The following ZNF704 variants were observed in gnomAD, a reference collection of about 807,000 sequenced individuals.
The protein encoded by ZNF704 is glucocorticoid induced gene 1.
In ZNF704, 10 loss-of-function variants were observed where a neutral mutation model predicts 44.7. That is an observed-to-expected ratio of 0.22 (90% confidence interval 0.14 to 0.38). The LOEUF (loss-of-function observed/expected upper bound fraction) is 0.38, where lower values mean the gene tolerates loss of function less well. Among genes scored for constraint, ZNF704 ranks in the 10% least tolerant of loss-of-function variants. ZNF704 has a pLI of 1.00. For missense variants in ZNF704, 390 were observed against 545.5 expected (o/e 0.71, Z 2.84); for synonymous variants, 211 against 207.6 (o/e 1.02, Z -0.14).
intron 2 of ZNF704, chr8:80,749,514 C>A (rs1157128099): frequency 6.5e-6 from 1 of 153,192 alleles, no homozygotes; most frequent in Non-Finnish European, 1.5e-5. Flanking sequence ...GCGGAATCAT[C>A]TAATATAACA....
At chr8:80,740,292 C>T (rs1341354407) in intron 2 of ZNF704, among the ~76,000 whole-genome samples, 1 of 152,136 alleles carries the variant, frequency 6.6e-6, no homozygotes, top group African/African-American at 2.4e-5. Context: ...CATTTGTTGT[C>T]CCCTGCTTGA....
chr8:80,687,615 G>A lies in ZNF704; in HGVS notation c.326-157C>T, dbSNP rs1023868617. ...ATGTAAGTTTTTGTTCTATTTATAC[G>A]CCCCCTCCCAAAAGCCACATTGTAG... is the stretch of plus-strand genomic sequence containing the variant. On this transcript the variant is annotated intron_variant, in intron 3 of 8. Coordinates refer to ENST00000327835, the MANE Select transcript of ZNF704 (RefSeq NM_001033723.3). 3.3e-5 allele frequency among the ~76,000 whole-genome samples: 5 copies of A among 152,194 alleles called. No individual in the cohort carries two copies. In the East Asian group the frequency reaches 7.7e-4, roughly 24 times the overall value.
At chr8:80,838,151 G>A (rs558664116) in intron 1 of ZNF704, among the ~76,000 whole-genome samples, 23 of 152,280 alleles carry the variant, frequency 1.5e-4, no homozygotes, top group South Asian at 6.2e-4. Flanking sequence ...AGAGAGATTC[G>A]TGGGAACAGA....
At chr8:80,734,601 A>G (rs1217048111) in intron 2 of ZNF704, among the ~76,000 whole-genome samples, 2 of 152,232 alleles carry the variant, frequency 1.3e-5, no homozygotes, top group Non-Finnish European at 2.9e-5. Context: ...AAGTATATGT[A>G]TATTTGCAGA....
chr8:80,759,175 A>C (rs539878275), intron 2 of ZNF704, among the ~76,000 whole-genome samples: 6 of 152,264 alleles, frequency 3.9e-5, no homozygotes, highest in Non-Finnish European at 7.4e-5. Flanking sequence ...AATGTGACTG[A>C]TTAGGGACTG....
intron 1 of ZNF704, among the ~76,000 whole-genome samples, chr8:80,855,719 C>T (rs189302669): frequency 1.3e-5 from 2 of 152,232 alleles, no homozygotes; most frequent in East Asian, 3.9e-4. Context: ...GACTTCACCA[C>T]TATACAATCT....
chr8:80,792,722 A>ACTGACAGCCACTTCCAG (rs1375854538), intron 2 of ZNF704, among the ~76,000 whole-genome samples: 9 of 152,182 alleles, frequency 5.9e-5, no homozygotes, highest in Non-Finnish European at 1.2e-4. Flanking sequence ...ATGGCAAGGA[A>ACTGACAGCCACTTCCAG]CTGACAGCCA....
chr8:80,632,284 C>G lies in ZNF704; in HGVS notation c.*9082G>C, dbSNP rs571150751. On this transcript the variant is annotated 3_prime_UTR_variant, in exon 9 of 9. Coordinates refer to ENST00000327835, the MANE Select transcript of ZNF704 (RefSeq NM_001033723.3). ...AAGGGATTCTCCTGCCTCAGCCTCTCAAGTAGCTGGAATTACAGGTGTGCG... is the reference window on the plus strand; with the variant it reads ...AAGGGATTCTCCTGCCTCAGCCTCTGAAGTAGCTGGAATTACAGGTGTGCG... 3.9e-5 allele frequency: 6 copies of G among 152,318 alleles called. No individual in the cohort carries two copies. Among genetic ancestry groups the G allele is most frequent in the Admixed American group, 3.9e-4 (6 of 15,298 alleles). The allele number at this position is 152,318 out of a possible 1,614,324, so 9.4% of individuals were successfully genotyped here.
chr8:80,698,862 A>G (rs980378905), intron 2 of ZNF704, among the ~76,000 whole-genome samples: 3 of 152,162 alleles, frequency 2.0e-5, no homozygotes, highest in African/African-American at 7.2e-5. Context: ...TGCCGCAAGA[A>G]GCCTTTTCCT....
At chr8:80,661,342 G>T (rs1025763770) in intron 6 of ZNF704, among the ~76,000 whole-genome samples, 2 of 152,134 alleles carry the variant, frequency 1.3e-5, no homozygotes, top group African/African-American at 4.8e-5. Flanking sequence ...TATACTGTTG[G>T]TAAGAATGTA....
intron 2 of ZNF704, among the ~76,000 whole-genome samples, chr8:80,741,492 G>A (rs73692119): frequency 0.041 from 6,256 of 152,004 alleles, 450 homozygotes; most frequent in African/African-American, 0.14. Flanking sequence ...CTTAGCCTCC[G>A]AAGCAGTTAA....
chr8:80,830,393 T>C (rs1808450368), intron 1 of ZNF704, among the ~76,000 whole-genome samples: 1 of 152,098 alleles, frequency 6.6e-6, no homozygotes, highest in Non-Finnish European at 1.5e-5. Flanking sequence ...GAAAATATAA[T>C]TCCATTCATA....
intron 2 of ZNF704, among the ~76,000 whole-genome samples, chr8:80,739,010 T>A (rs1806711329): frequency 6.6e-6 from 1 of 152,230 alleles, no homozygotes; most frequent in Non-Finnish European, 1.5e-5. Context: ...GTTAGTTTAC[T>A]CTTTCCCTGT....
chr8:80,709,355 A>G (rs939403979), intron 2 of ZNF704, among the ~76,000 whole-genome samples: 3 of 147,368 alleles, frequency 2.0e-5, no homozygotes, highest in East Asian at 2.1e-4. Flanking sequence ...GAGGCAGGAG[A>G]ATGGCGTGAA....
intron 1 of ZNF704, among the ~76,000 whole-genome samples, chr8:80,865,718 G>A (rs944783991): frequency 2.6e-5 from 4 of 152,128 alleles, no homozygotes; most frequent in Non-Finnish European, 5.9e-5. Context: ...CGTTGTCACT[G>A]GTGACCATCA....
In ZNF704 at chr8:80,641,400, C is replaced by T; in HGVS notation, c.1205G>A (p.Arg402His). The change falls in exon 9 of 9, where the codon CGC becomes CAC. Residue 402 changes from arginine (R) to histidine (H), a missense_variant. Transcript: ENST00000327835. Reference sequence around the variant, plus strand: ...GAACCTCTGGCAGGCCTTCTTCCAGCGGCAGGCGGTACACCACATGTCTCG... The same window carrying T: ...GAACCTCTGGCAGGCCTTCTTCCAGTGGCAGGCGGTACACCACATGTCTCG... ...ENRDMWCTAC[R>H]WKKACQRFLD The T allele has an allele frequency of 1.2e-6, 2 of 1,613,556 alleles. No homozygotes were observed. Among genetic ancestry groups the T allele is most frequent in the Non-Finnish European group, 1.7e-6 (2 of 1,179,792 alleles).
chr8:80,830,753 CTTTTTTTT>C (rs772059759), intron 1 of ZNF704, among the ~76,000 whole-genome samples: 1 of 89,130 alleles, frequency 1.1e-5, no homozygotes, highest in Non-Finnish European at 2.2e-5. Flanking sequence ...GTGTTTCTTT[CTTTTTTTT>C]TTTTTTTTTT....
chr8:80,714,736 G>A (rs936098451), intron 2 of ZNF704, among the ~76,000 whole-genome samples: 5 of 152,122 alleles, frequency 3.3e-5, no homozygotes, highest in Non-Finnish European at 7.4e-5. Flanking sequence ...CACCTTCTAA[G>A]TGCAATTTTA....
At chr8:80,732,011 T>C (rs977757359) in intron 2 of ZNF704, among the ~76,000 whole-genome samples, 1 of 152,212 alleles carries the variant, frequency 6.6e-6, no homozygotes, top group Admixed American at 6.5e-5. Context: ...AAACAGAGGC[T>C]AAAAATACTA....
Sources: gnomAD v4.1 joint callset for allele counts (sites outside exome capture counted in the v4.1 genomes callset) on GRCh38, gnomAD v4.1.1 for gene constraint, MANE v1.5 for transcripts, NCBI Gene and HGNC (gene_info 2026-07-23, HGNC 2026-07-21) for gene names.